The following ADAMTSL1 variants were observed in gnomAD, a reference collection of about 807,000 sequenced individuals.
ADAMTSL1 encodes the protein ADAMTS-like protein 1.
In ADAMTSL1, 126 loss-of-function variants were observed where a neutral mutation model predicts 201.8. That is an observed-to-expected ratio of 0.62 (90% confidence interval 0.54 to 0.72). The LOEUF is 0.72. Among genes scored for constraint, ADAMTSL1 ranks in the 30% least tolerant of loss-of-function variants. The pLI, the probability that ADAMTSL1 is intolerant of heterozygous loss-of-function variation, is 0.00. For synonymous variants in ADAMTSL1, 1,121 were observed against 903.4 expected, an observed-to-expected ratio of 1.24 and a Z score of -4.32; for missense variants, 2,679 against 2,277.8, an observed-to-expected ratio of 1.18 and a Z score of -3.59.
intron 1 of ADAMTSL1, among the ~76,000 whole-genome samples, chr9:17,924,716 A>C (rs1826451978): frequency 6.8e-6 from 1 of 147,904 alleles, no homozygotes; most frequent in South Asian, 2.2e-4. Flanking sequence ...AGATGGATTA[A>C]AGATTTAAAC....
At chr9:18,335,611 C>T (rs1479221293) in intron 2 of ADAMTSL1, among the ~76,000 whole-genome samples, 1 of 152,134 alleles carries the variant, frequency 6.6e-6, no homozygotes, top group South Asian at 2.1e-4. Context: ...GACAATATTA[C>T]TGTTCACTAT....
At chr9:18,189,118 A>C (rs1468199178) in intron 2 of ADAMTSL1, among the ~76,000 whole-genome samples, 1 of 152,110 alleles carries the variant, frequency 6.6e-6, no homozygotes, top group African/African-American at 2.4e-5. Context: ...CCACCAGCTA[A>C]TTGGAGACAG....
intron 1 of ADAMTSL1, among the ~76,000 whole-genome samples, chr9:17,992,871 G>T (rs1819217971): frequency 6.6e-6 from 1 of 152,128 alleles, no homozygotes; most frequent in East Asian, 1.9e-4. Context: ...ACTTATTTTT[G>T]TTACATTACT....
chr9:18,066,116 T>G (rs1369197398), intron 1 of ADAMTSL1, among the ~76,000 whole-genome samples: 1 of 151,696 alleles, frequency 6.6e-6, no homozygotes. Flanking sequence ...TTATTTAATA[T>G]AGTGTCACTA....
chr9:18,516,411 C>T (rs981050387), intron 2 of ADAMTSL1, among the ~76,000 whole-genome samples: 1 of 152,150 alleles, frequency 6.6e-6, no homozygotes, highest in African/African-American at 2.4e-5. Context: ...AGCTGAAGCC[C>T]CTAACTAATA....
At chr9:18,701,262 C>T (rs1310034252) in intron 13 of ADAMTSL1, among the ~76,000 whole-genome samples, 1 of 139,540 alleles carries the variant, frequency 7.2e-6, no homozygotes, top group Non-Finnish European at 1.5e-5. Flanking sequence ...TGTCACCCAG[C>T]AGGCTGGAAT....
intron 4 of ADAMTSL1, among the ~76,000 whole-genome samples, chr9:18,600,425 A>G (rs981331657): frequency 2.6e-5 from 4 of 152,078 alleles, no homozygotes; most frequent in African/African-American, 7.2e-5. Context: ...GATCTGTCTG[A>G]CCCTATAGCC....
intron 2 of ADAMTSL1, among the ~76,000 whole-genome samples, chr9:18,283,934 G>A (rs368022818): frequency 0.14 from 6,030 of 44,656 alleles, 194 homozygotes; most frequent in Non-Finnish European, 0.19. Context: ...AAAAAAAGAA[G>A]AAGAAGAAGA....
intron 2 of ADAMTSL1, among the ~76,000 whole-genome samples, chr9:18,333,535 C>T (rs1459607289): frequency 2.0e-5 from 3 of 152,148 alleles, no homozygotes; most frequent in Non-Finnish European, 4.4e-5. Context: ...TGGACTAATA[C>T]AGCAAGCCAA....
intron 2 of ADAMTSL1, among the ~76,000 whole-genome samples, chr9:18,190,155 C>T (rs1828912369): frequency 6.6e-6 from 1 of 152,176 alleles, no homozygotes; most frequent in African/African-American, 2.4e-5. Context: ...TGAAGTGTAG[C>T]ATAGTCCTCC....
intron 1 of ADAMTSL1, among the ~76,000 whole-genome samples, chr9:18,081,209 G>A (rs1323783663): frequency 6.6e-6 from 1 of 152,162 alleles, no homozygotes; most frequent in African/African-American, 2.4e-5. Context: ...TCTCAAGGTG[G>A]AAAACTGCTC....
At chr9:18,122,280 C>G (rs1344037497) in intron 1 of ADAMTSL1, among the ~76,000 whole-genome samples, 9 of 152,174 alleles carry the variant, frequency 5.9e-5, no homozygotes, top group Admixed American at 5.2e-4. Flanking sequence ...ATCCATGACT[C>G]ATGAATAGAT....
chr9:18,860,455 T>A (rs1277645992), intron 23 of ADAMTSL1, among the ~76,000 whole-genome samples: 1 of 152,008 alleles, frequency 6.6e-6, no homozygotes, highest in Non-Finnish European at 1.5e-5. Context: ...GTTGAGTAGT[T>A]GTGACAGAGA....
chr9:18,512,109 A>T (rs933563618), intron 2 of ADAMTSL1, among the ~76,000 whole-genome samples: 7 of 152,180 alleles, frequency 4.6e-5, no homozygotes, highest in Admixed American at 2.6e-4. Flanking sequence ...ATTTTGTTAA[A>T]GGAGATTGCA....
chr9:18,509,190 C>CAAAAAAAAAAA lies in ADAMTSL1; in HGVS notation c.191+4266_191+4276dup, dbSNP rs57922962. ...TGGGCGACAGAGCGAGACTCCGTCT[C>CAAAAAAAAAAA]AAAAAAAAAAAAAAAAAAAAAAAAA... On this transcript the variant is annotated intron_variant, in intron 2 of 28. Coordinates refer to ENST00000380548, the MANE Select transcript of ADAMTSL1 (RefSeq NM_001040272.6). Among the ~76,000 whole-genome samples, 11 of 20,464 alleles carry CAAAAAAAAAAA rather than the reference C, an allele frequency of 5.4e-4. 2 individuals carry two copies. Among genetic ancestry groups the CAAAAAAAAAAA allele is most frequent in the East Asian group, 2.7e-3 (2 of 740 alleles). The allele number at this position is 20,464 out of a possible 152,430, so 13.4% of individuals were successfully genotyped here.
At chr9:18,405,524 C>G (rs1818154353) in intron 2 of ADAMTSL1, among the ~76,000 whole-genome samples, 2 of 151,796 alleles carry the variant, frequency 1.3e-5, no homozygotes, top group African/African-American at 4.8e-5. Context: ...TCCAATCAGG[C>G]CAAGCAGCAG....
chr9:18,438,236 A>G (rs902558183), intron 2 of ADAMTSL1, among the ~76,000 whole-genome samples: 1 of 152,158 alleles, frequency 6.6e-6, no homozygotes, highest in African/African-American at 2.4e-5. Flanking sequence ...AGAAAAAAAA[A>G]AAGGATAGGA....
At chr9:18,680,271 A>C (rs1830382894) in intron 10 of ADAMTSL1, 41 bp from the exon 11 acceptor site, 1 of 1,591,704 alleles carries the variant, frequency 6.3e-7, no homozygotes, top group African/African-American at 1.3e-5. Context: ...GAGGCTTAGC[A>C]ATGTGCATGT....
chr9:18,160,963 T>C (rs1323023876), intron 1 of ADAMTSL1, among the ~76,000 whole-genome samples: 2 of 151,456 alleles, frequency 1.3e-5, no homozygotes, highest in South Asian at 2.1e-4. Flanking sequence ...GCTGGGATTA[T>C]AGGCATAAGC....
Sources: allele counts gnomAD v4.1 joint callset (sites outside exome capture counted in the v4.1 genomes callset), GRCh38; gene constraint gnomAD v4.1.1; transcripts MANE v1.5; gene names NCBI Gene and HGNC (gene_info 2026-07-23, HGNC 2026-07-21).